FTCDNL1: variants seen among roughly 807,000 people sequenced by gnomAD.
The protein encoded by FTCDNL1 is formiminotransferase cyclodeaminase N-terminal like.
FTCDNL1 carries 11 observed loss-of-function variants against 5.9 expected under a neutral mutation model. The observed-to-expected ratio is 1.87, with a 90% confidence interval of 1.18 to 3.10. The LOEUF (loss-of-function observed/expected upper bound fraction) is 3.10, where lower values mean the gene tolerates loss of function less well. Among genes scored for constraint, FTCDNL1 ranks in the 30% most tolerant of loss-of-function variants. The pLI is 0.00. For synonymous variants in FTCDNL1, 58 were observed against 24.8 expected, an observed-to-expected ratio of 2.34 and a Z score of -3.99; for missense variants, 115 against 65.5, an observed-to-expected ratio of 1.76 and a Z score of -2.61.
At chr2:199,792,368 G>A (rs1383255039) in intron 3 of FTCDNL1, among the ~76,000 whole-genome samples, 1 of 152,102 alleles carries the variant, frequency 6.6e-6, no homozygotes, top group African/African-American at 2.4e-5. Context: ...CAAAGTCCCT[G>A]CCTCATCCTG....
the FTCDNL1 span, among the ~76,000 whole-genome samples, chr2:199,727,725 T>C: frequency 1.3e-5 from 2 of 151,966 alleles, no homozygotes; most frequent in Non-Finnish European, 2.9e-5. Context: ...ATCCTTCCCA[T>C]CCCTTGCCTT....
chr2:199,731,758 G>A, the FTCDNL1 span, among the ~76,000 whole-genome samples: 2 of 151,586 alleles, frequency 1.3e-5, no homozygotes. Context: ...CGTAGTGGCG[G>A]GCGCCTGTAG....
At chr2:199,834,034 G>A (rs1406873108) in intron 3 of FTCDNL1, among the ~76,000 whole-genome samples, 4 of 152,204 alleles carry the variant, frequency 2.6e-5, no homozygotes, top group African/African-American at 7.2e-5. Flanking sequence ...CTGGCTCCCA[G>A]TACCTCAGAA....
the FTCDNL1 span, among the ~76,000 whole-genome samples, chr2:199,748,896 C>A: frequency 6.6e-5 from 10 of 152,228 alleles, no homozygotes. Flanking sequence ...TCCTCTGCCC[C>A]CTTCCTGCTC....
chr2:199,776,947 GATGTGTGTATATGTGTGTGT>G (rs1559177799), intron 3 of FTCDNL1, among the ~76,000 whole-genome samples: 1 of 140,678 alleles, frequency 7.1e-6, no homozygotes, highest in East Asian at 2.3e-4. Flanking sequence ...CACACACAGA[GATGTGTGTATATGTGTGTGT>G]GTGTGTGTGT....
At chr2:199,695,395 G>A in the FTCDNL1 span, among the ~76,000 whole-genome samples, 1 of 152,102 alleles carries the variant, frequency 6.6e-6, no homozygotes, top group Non-Finnish European at 1.5e-5. Context: ...TTGGAACATG[G>A]CTAGCCCAAA....
the FTCDNL1 span, among the ~76,000 whole-genome samples, chr2:199,726,113 T>G: frequency 6.6e-6 from 1 of 152,218 alleles, no homozygotes; most frequent in Non-Finnish European, 1.5e-5. Context: ...TAATTTTGTC[T>G]GCCTGTCATA....
chr2:199,800,727 T>G (rs1396858387), intron 3 of FTCDNL1, among the ~76,000 whole-genome samples: 1 of 152,248 alleles, frequency 6.6e-6, no homozygotes, highest in Non-Finnish European at 1.5e-5. Flanking sequence ...AAATGTGTTT[T>G]TAATCATTAA....
Position 199,779,852 on chromosome 2 carries a change from C to T in FTCDNL1, c.212-19017G>A, listed in dbSNP as rs561853649. ...CTCGCTCCTAAGAAGAGCTCAACAG[C>T]CAGACTGTATCCTCCTTGACTCTGA... is the stretch of plus-strand genomic sequence containing the variant. On this transcript the variant is annotated intron_variant, in intron 3 of 3. Coordinates refer to the FTCDNL1 transcript ENST00000416668. Among the ~76,000 whole-genome samples, 16 of 152,274 alleles carry T rather than the reference C, an allele frequency of 1.1e-4. No individual in the cohort carries two copies. The South Asian group carries it at 3.1e-3, about 30-fold the overall frequency.
the FTCDNL1 span, among the ~76,000 whole-genome samples, chr2:199,719,578 T>C: frequency 2.0e-5 from 3 of 152,286 alleles, no homozygotes; most frequent in East Asian, 5.8e-4. Flanking sequence ...GGTAATTTGA[T>C]AGGGGCTGCA....
At chr2:199,725,492 G>A in the FTCDNL1 span, among the ~76,000 whole-genome samples, 1 of 152,096 alleles carries the variant, frequency 6.6e-6, no homozygotes, top group Admixed American at 6.6e-5. Context: ...ATTGGTCTGT[G>A]TACTTCAGTG....
At chr2:199,808,325 G>A (rs1185030893), downstream of FTCDNL1, among the ~76,000 whole-genome samples, 4 of 152,336 alleles carry the variant, frequency 2.6e-5, no homozygotes, top group East Asian at 7.7e-4. Flanking sequence ...ATTCAGATAT[G>A]AGGGGATTTT....
chr2:199,715,471 G>A, the FTCDNL1 span, among the ~76,000 whole-genome samples: 2 of 152,178 alleles, frequency 1.3e-5, no homozygotes, highest in Non-Finnish European at 2.9e-5. Context: ...TCTCTTGCCT[G>A]CCACCACGTA....
At chr2:199,692,379 A>G in the FTCDNL1 span, among the ~76,000 whole-genome samples, 1 of 152,250 alleles carries the variant, frequency 6.6e-6, no homozygotes, top group Admixed American at 6.5e-5. Context: ...TATGAATAAT[A>G]TCACTATAAC....
chr2:199,837,433 A>T (rs1702827961), intron 3 of FTCDNL1, among the ~76,000 whole-genome samples: 1 of 152,216 alleles, frequency 6.6e-6, no homozygotes, highest in Non-Finnish European at 1.5e-5. Context: ...ATCAGAACCC[A>T]GCATCTAAAT....
chr2:199,781,128 A>G (rs1699341803), intron 3 of FTCDNL1, among the ~76,000 whole-genome samples: 1 of 152,192 alleles, frequency 6.6e-6, no homozygotes, highest in Admixed American at 6.5e-5. Flanking sequence ...CCGCTCCCAC[A>G]GGTCCATCAT....
chr2:199,817,504 G>A (rs1701419611), intron 4 of FTCDNL1, among the ~76,000 whole-genome samples: 1 of 152,046 alleles, frequency 6.6e-6, no homozygotes, highest in Non-Finnish European at 1.5e-5. Context: ...ATAAAATCAT[G>A]GGCCAGGCAC....
At chr2:199,834,029 T>C (rs1702549181) in intron 3 of FTCDNL1, among the ~76,000 whole-genome samples, 1 of 152,204 alleles carries the variant, frequency 6.6e-6, no homozygotes, top group Admixed American at 6.5e-5. Context: ...AAGTCCTGGC[T>C]CCCAGTACCT....
At chr2:199,799,887 A>T (rs150889558) in intron 3 of FTCDNL1, among the ~76,000 whole-genome samples, 1 of 152,308 alleles carries the variant, frequency 6.6e-6, no homozygotes, top group Non-Finnish European at 1.5e-5. Context: ...TTGAGGCAAG[A>T]AGCTGCTCTA....
Sources: allele counts gnomAD v4.1 joint callset (sites outside exome capture counted in the v4.1 genomes callset), GRCh38; gene constraint gnomAD v4.1.1; transcripts MANE v1.5; gene names NCBI Gene and HGNC (gene_info 2026-07-23, HGNC 2026-07-21).